CDH4: variants seen among roughly 807,000 people sequenced by gnomAD.
The protein encoded by CDH4 is cadherin 4, also known as cadherin-4.
A neutral mutation model predicts 86.0 loss-of-function variants in CDH4; 33 were observed. The observed-to-expected ratio is 0.38, with a 90% CI of 0.29 to 0.51. The LOEUF (loss-of-function observed/expected upper bound fraction) is 0.51, where lower values mean the gene tolerates loss of function less well. Among genes scored for constraint, CDH4 ranks in the 20% least tolerant of loss-of-function variants. CDH4 has a pLI of 0.86. For synonymous variants in CDH4, 555 were observed against 549.4 expected, an observed-to-expected ratio of 1.01 and a Z score of -0.14; for missense variants, 1,114 against 1,307.4, an observed-to-expected ratio of 0.85 and a Z score of 2.28.
At chr20:61,579,815 A>G (rs1201534954) in intron 2 of CDH4, among the ~76,000 whole-genome samples, 1 of 152,182 alleles carries the variant, frequency 6.6e-6, no homozygotes, top group Non-Finnish European at 1.5e-5. Flanking sequence ...ATTGAAGTGT[A>G]AGGCTGAGTA....
chr20:61,892,305 C>T (rs1476646451), intron 7 of CDH4, among the ~76,000 whole-genome samples: 2 of 152,182 alleles, frequency 1.3e-5, no homozygotes, highest in Non-Finnish European at 2.9e-5. Flanking sequence ...CAATCATTGG[C>T]AACATTAACT....
Position 61,323,377 on chromosome 20 carries a change from T to A in CDH4, c.169+68440T>A, listed in dbSNP as rs535015857. On this transcript the variant is annotated intron_variant, in intron 2 of 15. Coordinates refer to ENST00000614565, the MANE Select transcript of CDH4 (RefSeq NM_001794.5). ...GATGTTTGGGAAAGTCTTCATCGAG[T>A]GAGTGCTTCACCTCCACCAGGCATT... 3.2e-4 allele frequency among the ~76,000 whole-genome samples: 49 copies of A among 152,238 alleles called. No individual in the cohort carries two copies. The East Asian group carries it at 9.5e-3, about 29-fold the overall frequency.
chr20:61,565,194 T>TGGTGATGGGGA, intron 2 of CDH4, among the ~76,000 whole-genome samples: 1 of 52,224 alleles, frequency 1.9e-5, no homozygotes, highest in Non-Finnish European at 3.8e-5. Context: ...GTGGTCCTCT[T>TGGTGATGGGGA]GGTGGTGGTC....
At chr20:61,901,337 CT>C (rs1228700488) in intron 8 of CDH4, among the ~76,000 whole-genome samples, 1 of 152,242 alleles carries the variant, frequency 6.6e-6, no homozygotes, top group Non-Finnish European at 1.5e-5. Context: ...GAAATCGTCA[CT>C]GTTTTACTGA....
intron 2 of CDH4, among the ~76,000 whole-genome samples, chr20:61,590,203 A>G (rs1206335746): frequency 6.6e-6 from 1 of 152,038 alleles, no homozygotes; most frequent in African/African-American, 2.4e-5. Flanking sequence ...GTCTCCTTCA[A>G]GGAGATCCCC....
intron 2 of CDH4, among the ~76,000 whole-genome samples, chr20:61,418,257 C>A (rs150051762): frequency 4.1e-5 from 6 of 147,784 alleles, no homozygotes; most frequent in African/African-American, 1.5e-4. Context: ...GTCCCCCAGG[C>A]TGGACTGCAG....
chr20:61,581,131 G>T (rs114370367), intron 2 of CDH4, among the ~76,000 whole-genome samples: 12 of 152,188 alleles, frequency 7.9e-5, no homozygotes, highest in African/African-American at 2.7e-4. Flanking sequence ...CTTGCTTCCC[G>T]CTGGCCTGGT....
chr20:61,671,461 A>G (rs2087385990), intron 2 of CDH4, among the ~76,000 whole-genome samples: 2 of 152,158 alleles, frequency 1.3e-5, no homozygotes, highest in African/African-American at 4.8e-5. Flanking sequence ...GTGTCACTGC[A>G]CTCCAGCGTG....
intron 2 of CDH4, among the ~76,000 whole-genome samples, chr20:61,577,970 C>T (rs6121704): frequency 0.057 from 8,728 of 152,190 alleles, 514 homozygotes; most frequent in African/African-American, 0.15. Context: ...CCACTCCTTC[C>T]CTGAGGCCCC....
chr20:61,365,246 CAAATTCTACCA>C (rs1303817240), intron 2 of CDH4, among the ~76,000 whole-genome samples: 1 of 152,186 alleles, frequency 6.6e-6, no homozygotes, highest in African/African-American at 2.4e-5. Context: ...GGTGAATAAT[CAAATTCTACCA>C]AGAGTCAACA....
intron 2 of CDH4, among the ~76,000 whole-genome samples, chr20:61,653,319 G>A (rs1484566929): frequency 7.4e-6 from 1 of 135,194 alleles, no homozygotes; most frequent in African/African-American, 2.6e-5. Flanking sequence ...AAAATGAAAA[G>A]TCTCCCATGT....
intron 4 of CDH4, among the ~76,000 whole-genome samples, chr20:61,806,126 G>A (rs1980112875): frequency 6.6e-6 from 1 of 152,236 alleles, no homozygotes; most frequent in South Asian, 2.1e-4. Context: ...AATTCCACAT[G>A]TGTGTCTGTT....
chr20:61,645,523 T>A (rs1043914950), intron 2 of CDH4, among the ~76,000 whole-genome samples: 1 of 151,664 alleles, frequency 6.6e-6, no homozygotes, highest in Admixed American at 6.6e-5. Flanking sequence ...TCCCAGCTAC[T>A]CAGGAGGCTG....
rs917628573 is a variant in CDH4, at chr20:61,501,983, T to C, written c.170-241580T>C. 6.6e-6 allele frequency among the ~76,000 whole-genome samples: 1 copy of C among 152,066 alleles called. No homozygotes were observed. The highest frequency in any genetic ancestry group is 2.4e-5 in the African/African-American group (1 of 41,396). ...GAGTGGGCACGTTAGCCCAGGCCGT[T>C]ACCCTTTAGTGGGCGCGTGAGGGCT... On this transcript the variant is annotated intron_variant, in intron 2 of 15. Transcript: ENST00000614565. This position sits in a 1 kb window ranked among gnomAD's most constrained non-coding sequence, Gnocchi z 4.2.
At chr20:61,444,615 C>CTG (rs1174405344) in intron 2 of CDH4, among the ~76,000 whole-genome samples, 1 of 142,996 alleles carries the variant, frequency 7.0e-6, no homozygotes, top group African/African-American at 2.6e-5. Context: ...GTGTGTTTCT[C>CTG]TGTGTGTGTG....
chr20:61,273,689 G>A (rs1360843063), intron 2 of CDH4, among the ~76,000 whole-genome samples: 1 of 150,894 alleles, frequency 6.6e-6, no homozygotes, highest in Non-Finnish European at 1.5e-5. Context: ...GCAGTTTGGG[G>A]GAGTACCATG....
chr20:61,835,393 G>T (rs1321482047), intron 4 of CDH4, among the ~76,000 whole-genome samples: 2 of 152,180 alleles, frequency 1.3e-5, no homozygotes, highest in African/African-American at 4.8e-5. Flanking sequence ...AAAATAGCTG[G>T]CCATGACAAG....
At chr20:61,638,889 G>T (rs1481475737) in intron 2 of CDH4, among the ~76,000 whole-genome samples, 1 of 152,198 alleles carries the variant, frequency 6.6e-6, no homozygotes. Flanking sequence ...TCCGCACAGT[G>T]TAGGGTAGGG....
intron 2 of CDH4, among the ~76,000 whole-genome samples, chr20:61,397,070 C>T (rs370749046): frequency 7.2e-5 from 11 of 152,160 alleles, no homozygotes; most frequent in East Asian, 1.9e-4. Flanking sequence ...CCACCACACC[C>T]GGCTAATTTT....
Sources: gnomAD v4.1 joint callset for allele counts (sites outside exome capture counted in the v4.1 genomes callset) on GRCh38, gnomAD v4.1.1 for gene constraint, Gnocchi (gnomAD v3.1) non-coding constraint, MANE v1.5 for transcripts, NCBI Gene and HGNC (gene_info 2026-07-23, HGNC 2026-07-21) for gene names.